NUDT7: variants seen among roughly 807,000 people sequenced by gnomAD.
NUDT7 encodes peroxisomal coenzyme A diphosphatase NUDT7.
Under a neutral mutation model 13.1 loss-of-function variants are expected in NUDT7, and 19 were observed. That is an observed-to-expected ratio of 1.45 (90% CI 1.01 to 2.13). NUDT7 has a LOEUF of 2.13. Among genes scored for constraint, NUDT7 ranks in the 30% most tolerant of loss-of-function variants. NUDT7 has a pLI of 0.00. For synonymous variants in NUDT7, 132 were observed against 109.7 expected (o/e 1.20, Z -1.27); for missense variants, 360 against 291.7 (o/e 1.23, Z -1.71).
intron 2 of NUDT7, among the ~76,000 whole-genome samples, chr16:77,727,609 C>T (rs1447417181): frequency 6.6e-6 from 1 of 152,230 alleles, no homozygotes; most frequent in Non-Finnish European, 1.5e-5. Context: ...AATCCCAGCA[C>T]TTTGGGAGGC....
chr16:77,733,213 A>G (rs1437780721), intron 2 of NUDT7, among the ~76,000 whole-genome samples: 2 of 152,238 alleles, frequency 1.3e-5, no homozygotes, highest in Non-Finnish European at 2.9e-5. Context: ...TCAAGCTGCT[A>G]TAACAAAACA....
chr16:77,730,936 T>A lies in NUDT7; in HGVS notation c.190-4892T>A, dbSNP rs191808539. Among the ~76,000 whole-genome samples the A allele has an allele frequency of 2.2e-4, 34 of 152,240 alleles. No homozygotes were observed. The East Asian group carries it at 6.0e-3, about 27-fold the overall frequency. ...CTTTGTCCATTTTTAAATTTTTTTTTATTATTGATATTGAGTTGAGTTCCT... is the reference window on the plus strand; with the variant it reads ...CTTTGTCCATTTTTAAATTTTTTTTAATTATTGATATTGAGTTGAGTTCCT... On this transcript the variant is annotated intron_variant, in intron 2 of 3. Coordinates refer to ENST00000268533, the MANE Select transcript of NUDT7 (RefSeq NM_001105663.3).
rs372842405 is a variant in NUDT7, at chr16:77,738,406, A to AAAG, written c.348+2420_348+2421insAAG. Among the ~76,000 whole-genome samples the AAAG allele has an allele frequency of 1.2e-3, 176 of 152,332 alleles. 2 individuals are homozygous for AAAG. Among genetic ancestry groups the AAAG allele is most frequent in the African/African-American group, 4.0e-3 (167 of 41,568 alleles). Reference sequence around the variant, plus strand: ...GAGAGATTAAACAAAGGCTTTAAAAAGTCTGCTTTGTTTGGAAGTGCAAGG... The same window carrying AAAG: ...GAGAGATTAAACAAAGGCTTTAAAAAAAGGTCTGCTTTGTTTGGAAGTGCAAGG... On this transcript the variant is annotated intron_variant, in intron 3 of 3. Coordinates refer to ENST00000268533, the MANE Select transcript of NUDT7 (RefSeq NM_001105663.3).
chr16:77,741,684 T>C lies in NUDT7; in HGVS notation c.451T>C (p.Tyr151His). Residue 151 changes from tyrosine (Y) to histidine (H), a missense_variant, in exon 4 of 4, where the codon TAT (tyrosine) becomes CAT (histidine). Transcript: ENST00000268533. The stretch of plus-strand genomic sequence containing the variant: ...GGATGTATTCCTGGTGCCTCTGGCC[T>C]ATTTCCTGCATCCACAGGTCCATGA... ...VKDVFLVPLA[Y>H]FLHPQVHDQH... 1 of 1,614,218 alleles carries C rather than the reference T, an allele frequency of 6.2e-7. No individual in the cohort carries two copies. The highest frequency in any genetic ancestry group is 8.5e-7 in the Non-Finnish European group (1 of 1,180,044).
Position 77,741,802 on chromosome 16 carries a change from G to A in NUDT7, c.569G>A (p.Gly190Glu). Residue 190 changes from glycine (G) to glutamate (E), a missense_variant, in exon 4 of 4, where the codon GGA (glycine) becomes GAA (glutamate). Coordinates refer to ENST00000268533, the MANE Select transcript of NUDT7 (RefSeq NM_001105663.3). The part of the protein sequence containing the change: ...PEDGVTYQIK[G>E]MTANLAVLVA... ...GACGGTGTCACTTACCAGATCAAGG[G>A]AATGACGGCAAACCTTGCAGTGTTG... is the stretch of plus-strand genomic sequence containing the variant. 1 of 1,614,086 alleles carries A rather than the reference G, an allele frequency of 6.2e-7. No individual in the cohort carries two copies.
At chr16:77,725,103 T>A (rs1008146241) in intron 1 of NUDT7, among the ~76,000 whole-genome samples, 4 of 152,214 alleles carry the variant, frequency 2.6e-5, no homozygotes, top group Admixed American at 2.6e-4. Context: ...AACAATGACT[T>A]TTTCATCAAA....
chr16:77,741,968 CAAAG>C lies in NUDT7; in HGVS notation c.*21_*24del, dbSNP rs1567434548. On this transcript the variant is annotated 3_prime_UTR_variant, in exon 4 of 4. Transcript: ENST00000268533. ...GGTTATGATTTACTAGAGCAAGAGA[CAAAG>C]AACTATTCACGAGGATTCTGTGTGT... is the stretch of plus-strand genomic sequence containing the variant. 3 of 1,558,186 alleles carry C rather than the reference CAAAG, an allele frequency of 1.9e-6. No individual in the cohort carries two copies. Among genetic ancestry groups the C allele is most frequent in the Non-Finnish European group, 2.6e-6 (3 of 1,156,416 alleles).
chr16:77,732,306 C>A (rs1422973875), intron 2 of NUDT7, among the ~76,000 whole-genome samples: 1 of 149,358 alleles, frequency 6.7e-6, no homozygotes, highest in African/African-American at 2.5e-5. Context: ...CCAGCCTGGT[C>A]GACAGACGAG....
chr16:77,729,956 C>A (rs2014260498), intron 2 of NUDT7, among the ~76,000 whole-genome samples: 2 of 118,764 alleles, frequency 1.7e-5, no homozygotes, highest in South Asian at 2.3e-4. Context: ...TACTAACTCA[C>A]ATAGTAACAT....
rs763547598 is a variant in NUDT7 at position 77,725,495 on chromosome 16, C to G, written c.100C>G (p.His34Asp). ...GTATGATATTGGAGGCAAATATTCTCACTTGCCATATAACAAATACTCCGT... is the reference window on the plus strand; with the variant it reads ...GTATGATATTGGAGGCAAATATTCTGACTTGCCATATAACAAATACTCCGT... ...RKYDIGGKYSHLPYNKYSVLL... is the reference protein window; with the variant it reads ...RKYDIGGKYSDLPYNKYSVLL... The change falls in exon 2 of 4, where the codon CAC becomes GAC. Residue 34 changes from histidine to aspartate, a missense_variant. Physicochemically the swap from His to Asp is moderately conservative, Grantham distance 81. Coordinates refer to ENST00000268533, the MANE Select transcript of NUDT7 (RefSeq NM_001105663.3). The G allele has an allele frequency of 1.2e-6, 2 of 1,612,870 alleles. No individual in the cohort carries two copies. The highest frequency in any genetic ancestry group is 1.7e-6 in the Non-Finnish European group (2 of 1,178,988).
chr16:77,725,511 A>G lies in NUDT7; in HGVS notation c.116A>G (p.Lys39Arg), dbSNP rs750090762. Residue 39 changes from lysine (K) to arginine (R), a missense_variant, in exon 2 of 4, where the codon AAA becomes AGA. Transcript: ENST00000268533. ...AAATATTCTCACTTGCCATATAACA[A>G]ATACTCCGTCCTTTTGCCATTGGTG... ...GGKYSHLPYN[K>R]YSVLLPLVAK... 5 of 1,614,078 alleles carry G rather than the reference A, an allele frequency of 3.1e-6. No individual in the cohort carries two copies. In the Admixed American group the frequency reaches 8.3e-5, roughly 27 times the overall value.
rs766420627 is a variant in NUDT7 at position 77,722,606 on chromosome 16, G to A, written c.24G>A (p.Glu8=). 38 of 1,594,606 alleles carry A rather than the reference G, an allele frequency of 2.4e-5. No individual in the cohort carries two copies. Among genetic ancestry groups the A allele is most frequent in the Non-Finnish European group, 3.2e-5 (37 of 1,170,138 alleles). The part of the protein sequence containing the change: MSRLGLP[E]EPVRNSLLDD... ...CAATGTCACGACTTGGTCTTCCCGAGGAGCCAGTCAGGTAAAGGCTTTCCG... is the reference window on the plus strand; with the variant it reads ...CAATGTCACGACTTGGTCTTCCCGAAGAGCCAGTCAGGTAAAGGCTTTCCG... Residue 8 remains glutamate, a synonymous_variant, in exon 1 of 4, where the codon GAG becomes GAA. Coordinates refer to ENST00000268533, the MANE Select transcript of NUDT7 (RefSeq NM_001105663.3).
intron 2 of NUDT7, among the ~76,000 whole-genome samples, chr16:77,732,860 C>G (rs549657721): frequency 6.6e-6 from 1 of 152,262 alleles, no homozygotes; most frequent in South Asian, 2.1e-4. Context: ...CTTGGAGGTG[C>G]GTTTGTCCCT....
Position 77,741,636 on chromosome 16 carries a change from C to T in NUDT7, c.403C>T (p.Gln135Ter). ...VGLIDHNFQAQPNPAEVKDVF... is the reference protein window; with the variant it reads ...VGLIDHNFQA ...TTTAATAGACCACAACTTCCAGGCC[C>T]AGCCGAATCCTGCTGAAGTTAAGGA... The change falls in exon 4 of 4, where the codon CAG (glutamine) becomes TAG (stop). Residue 135 changes from glutamine to a stop codon, truncating the protein, a stop_gained. Coordinates refer to ENST00000268533, the MANE Select transcript of NUDT7 (RefSeq NM_001105663.3). LOFTEE classifies it low-confidence loss of function (END_TRUNC). 1 of 1,613,858 alleles carries T rather than the reference C, an allele frequency of 6.2e-7. No individual in the cohort carries two copies. The highest frequency in any genetic ancestry group is 8.5e-7 in the Non-Finnish European group (1 of 1,179,992).
At chr16:77,733,964 T>C (rs79278961) in intron 2 of NUDT7, among the ~76,000 whole-genome samples, 2,006 of 152,098 alleles carry the variant, frequency 0.013, 40 homozygotes, top group African/African-American at 0.046. Context: ...ATGAGAGAAA[T>C]AATTTTAAAG....
intron 2 of NUDT7, among the ~76,000 whole-genome samples, chr16:77,734,998 C>T (rs2014433419): frequency 1.3e-5 from 2 of 152,092 alleles, no homozygotes; most frequent in Admixed American, 6.6e-5. Context: ...GTGAATTTCA[C>T]CTCGTTCAAA....
At chr16:77,739,852 G>C (rs966326152) in intron 3 of NUDT7, among the ~76,000 whole-genome samples, 2 of 152,128 alleles carry the variant, frequency 1.3e-5, no homozygotes, top group African/African-American at 4.8e-5. Context: ...TGACTGACTG[G>C]GGCTGGGGAG....
intron 2 of NUDT7, among the ~76,000 whole-genome samples, chr16:77,734,791 C>A (rs1161841366): frequency 6.6e-6 from 1 of 152,048 alleles, no homozygotes; most frequent in South Asian, 2.1e-4. Flanking sequence ...ATGCCAGACA[C>A]AAAAGTCGAG....
intron 3 of NUDT7, among the ~76,000 whole-genome samples, chr16:77,739,244 T>A (rs1366573912): frequency 2.0e-5 from 3 of 152,152 alleles, no homozygotes; most frequent in Non-Finnish European, 2.9e-5. Context: ...AAAAAAAGAA[T>A]GGCTATTCCA....
Sources: allele counts gnomAD v4.1 joint callset (sites outside exome capture counted in the v4.1 genomes callset), GRCh38; gene constraint gnomAD v4.1.1; transcripts MANE v1.5; gene names NCBI Gene and HGNC (gene_info 2026-07-23, HGNC 2026-07-21).